DLGAP1: variants seen among roughly 807,000 people sequenced by gnomAD.
DLGAP1 encodes the protein DLG associated protein 1.
In DLGAP1, 11 loss-of-function variants were observed where a neutral mutation model predicts 90.8. The ratio of observed to expected loss-of-function variants is 0.12; its 90% CI spans 0.08 to 0.20. The LOEUF (loss-of-function observed/expected upper bound fraction) is 0.20, where lower values mean the gene tolerates loss of function less well. Among genes scored for constraint, DLGAP1 ranks in the 10% least tolerant of loss-of-function variants. The pLI is 1.00. For synonymous variants in DLGAP1, 558 were observed against 540.7 expected, an observed-to-expected ratio of 1.03 and a Z score of -0.44; for missense variants, 1,050 against 1,333.8, an observed-to-expected ratio of 0.79 and a Z score of 3.31.
At chr18:4,088,666 T>C (rs2075723507) in intron 2 of DLGAP1, among the ~76,000 whole-genome samples, 1 of 152,120 alleles carries the variant, frequency 6.6e-6, no homozygotes, top group South Asian at 2.1e-4. Flanking sequence ...TCTGAGTTGA[T>C]TTTTTTCCTC....
intron 10 of DLGAP1, among the ~76,000 whole-genome samples, chr18:3,522,195 A>AGTACC (rs1487415377): frequency 1.5e-5 from 2 of 134,210 alleles, no homozygotes; most frequent in African/African-American, 5.8e-5. Context: ...GGAGTGCAAT[A>AGTACC]GTACCATGTC....
At chr18:3,867,001 G>A (rs796520356) in intron 4 of DLGAP1, among the ~76,000 whole-genome samples, 3 of 115,288 alleles carry the variant, frequency 2.6e-5, no homozygotes, top group Non-Finnish European at 4.1e-5. Context: ...ACAGGCACAT[G>A]CCACCACACC....
intron 1 of DLGAP1, among the ~76,000 whole-genome samples, chr18:4,427,689 GCTGT>G (rs2083187569): frequency 6.6e-6 from 1 of 152,168 alleles, no homozygotes; most frequent in Non-Finnish European, 1.5e-5. Flanking sequence ...AAAACCATTT[GCTGT>G]CTGTCATCCA....
chr18:3,549,657 G>A (rs2053267919), intron 9 of DLGAP1, among the ~76,000 whole-genome samples: 1 of 151,858 alleles, frequency 6.6e-6, no homozygotes, highest in South Asian at 2.1e-4. Flanking sequence ...ACACATACAT[G>A]CACTTCCGGT....
chr18:3,534,217 C>T lies in DLGAP1; in HGVS notation c.2456G>A (p.Arg819Gln), dbSNP rs768540951. Residue 819 changes from arginine to glutamine, a missense_variant, in exon 10 of 13, where the codon CGG becomes CAG. Coordinates refer to ENST00000315677, the MANE Select transcript of DLGAP1 (RefSeq NM_004746.4). ...GWCQQMEREE[R>Q]ENNLPEDILG... ...ACTGTCTTCGGGCAGGTTGTTTTCC[C>T]GTTCTTCCCGCTCCATCTGTTGACA... 36 of 1,613,808 alleles carry T rather than the reference C, an allele frequency of 2.2e-5. No individual in the cohort carries two copies. The highest frequency in any genetic ancestry group is 6.7e-5 in the Admixed American group (4 of 59,992).
intron 1 of DLGAP1, among the ~76,000 whole-genome samples, chr18:4,257,973 A>ATGTGTGTG (rs10625642): frequency 0.023 from 3,210 of 141,270 alleles, 47 homozygotes; most frequent in East Asian, 0.05. Context: ...AGTTATACAT[A>ATGTGTGTG]TGTGTGTGTG....
chr18:4,394,790 A>G (rs2082406760), intron 1 of DLGAP1, among the ~76,000 whole-genome samples: 1 of 152,176 alleles, frequency 6.6e-6, no homozygotes, highest in African/African-American at 2.4e-5. Context: ...GCCAATAGTG[A>G]TATTTTTAGA....
At chr18:3,807,202 G>C (rs2066607674) in intron 5 of DLGAP1, among the ~76,000 whole-genome samples, 1 of 152,150 alleles carries the variant, frequency 6.6e-6, no homozygotes, top group Non-Finnish European at 1.5e-5. Context: ...TCAAATCCAT[G>C]CTTCACTCTC....
intron 1 of DLGAP1, among the ~76,000 whole-genome samples, chr18:4,357,114 C>G (rs71358046): frequency 2.8e-5 from 4 of 145,074 alleles, no homozygotes; most frequent in Non-Finnish European, 6.0e-5. Context: ...TGTGTGTGTA[C>G]GATATACCAT....
chr18:3,589,717 C>T (rs547310703), intron 7 of DLGAP1, among the ~76,000 whole-genome samples: 5 of 152,208 alleles, frequency 3.3e-5, no homozygotes, highest in Admixed American at 2.6e-4. Flanking sequence ...GAAGTGGCAG[C>T]GCCTACACAG....
chr18:3,515,253 G>A (rs967059597), intron 10 of DLGAP1, among the ~76,000 whole-genome samples: 23 of 144,960 alleles, frequency 1.6e-4, no homozygotes, highest in African/African-American at 5.4e-4. Context: ...GGTGGATCAC[G>A]AGGTCAGGAG....
At chr18:3,865,192 A>G (rs2070311466) in intron 4 of DLGAP1, among the ~76,000 whole-genome samples, 2 of 152,212 alleles carry the variant, frequency 1.3e-5, no homozygotes, top group South Asian at 4.1e-4. Flanking sequence ...GACATTCCAA[A>G]ATTAAATTAA....
chr18:3,895,319 A>ACAT lies in DLGAP1; in HGVS notation c.-72-15182_-72-15180dup, dbSNP rs548203011. On this transcript the variant is annotated intron_variant, in intron 3 of 12. Coordinates refer to ENST00000315677, the MANE Select transcript of DLGAP1 (RefSeq NM_004746.4). ...CACACACACACACACACACACACAC[A>ACAT]CATCATCATCATCATCATCATCATC... 1.2e-3 allele frequency among the ~76,000 whole-genome samples: 177 copies of ACAT among 148,424 alleles called. 3 individuals carry two copies. The Middle Eastern group carries it at 0.021, about 17-fold the overall frequency.
intron 7 of DLGAP1, among the ~76,000 whole-genome samples, chr18:3,593,266 A>G (rs371910490): frequency 6.6e-6 from 1 of 152,274 alleles, no homozygotes; most frequent in East Asian, 1.9e-4. Flanking sequence ...TGGAGTGGTC[A>G]ACAAGGGGTG....
At chr18:3,875,376 A>G (rs2148816218) in intron 4 of DLGAP1, among the ~76,000 whole-genome samples, 1 of 152,342 alleles carries the variant, frequency 6.6e-6, no homozygotes, top group Middle Eastern at 3.4e-3. Context: ...TTTGTTGTCT[A>G]TAAAACTAAA....
At chr18:4,091,116 C>T (rs778751353) in intron 2 of DLGAP1, among the ~76,000 whole-genome samples, 4 of 152,094 alleles carry the variant, frequency 2.6e-5, no homozygotes, top group Non-Finnish European at 5.9e-5. Flanking sequence ...GGGAGAGCAT[C>T]AGGACAAATA....
chr18:4,002,258 T>C (rs544865105), intron 3 of DLGAP1, among the ~76,000 whole-genome samples: 1 of 152,330 alleles, frequency 6.6e-6, no homozygotes, highest in East Asian at 1.9e-4. Context: ...TCTATTTCTG[T>C]TGTACTTTAT....
intron 1 of DLGAP1, among the ~76,000 whole-genome samples, chr18:4,328,405 T>G (rs543041687): frequency 6.6e-6 from 1 of 152,156 alleles, no homozygotes; most frequent in Admixed American, 6.5e-5. Flanking sequence ...ATGGATAGTG[T>G]TCCATTGTAT....
chr18:3,967,943 G>A (rs2073364766), intron 3 of DLGAP1, among the ~76,000 whole-genome samples: 1 of 151,496 alleles, frequency 6.6e-6, no homozygotes, highest in Admixed American at 6.6e-5. Context: ...TCCCTTCTTA[G>A]GACTCCTTCA....
Sources: allele counts gnomAD v4.1 joint callset (sites outside exome capture counted in the v4.1 genomes callset), GRCh38; gene constraint gnomAD v4.1.1; transcripts MANE v1.5; gene names NCBI Gene and HGNC (gene_info 2026-07-23, HGNC 2026-07-21).